The following ROBO2 variants were observed in gnomAD, a reference collection of about 807,000 sequenced individuals.
ROBO2 encodes the protein roundabout guidance receptor 2, also known as roundabout homolog 2.
In ROBO2, 53 loss-of-function variants were observed where a neutral mutation model predicts 160.8. The observed-to-expected ratio is 0.33, with a 90% CI of 0.26 to 0.41. The LOEUF (loss-of-function observed/expected upper bound fraction) is 0.41, where lower values mean the gene tolerates loss of function less well. ROBO2 is among the 10% of genes least tolerant of loss of function. The pLI, the probability that ROBO2 is intolerant of heterozygous loss-of-function variation, is 1.00. For synonymous variants in ROBO2, 664 were observed against 611.7 expected (o/e 1.09, Z -1.26); for missense variants, 1,577 against 1,722.4 (o/e 0.92, Z 1.49).
intron 2 of ROBO2, among the ~76,000 whole-genome samples, chr3:76,069,043 A>G (rs920983857): frequency 7.2e-6 from 1 of 139,720 alleles, no homozygotes; most frequent in Non-Finnish European, 1.6e-5. Context: ...ATTTAAATGC[A>G]TTTTCTTTTT....
chr3:77,162,916 G>A (rs574948204), intron 2 of ROBO2, among the ~76,000 whole-genome samples: 7 of 152,040 alleles, frequency 4.6e-5, no homozygotes, highest in Non-Finnish European at 1.0e-4. Context: ...TGCAACCTTG[G>A]CCTCCTGGGT....
intron 2 of ROBO2, among the ~76,000 whole-genome samples, chr3:76,682,738 A>G (rs2092596258): frequency 6.6e-6 from 1 of 152,164 alleles, no homozygotes; most frequent in Non-Finnish European, 1.5e-5. Flanking sequence ...AAAGAATGAC[A>G]TATGTAAGCT....
At chr3:77,059,009 A>G (rs1333325858) in intron 1 of ROBO2, among the ~76,000 whole-genome samples, 1 of 152,210 alleles carries the variant, frequency 6.6e-6, no homozygotes, top group African/African-American at 2.4e-5. Flanking sequence ...CTTTGGTGAG[A>G]AAGACAAATA....
At chr3:77,052,490 G>A (rs184635494) in intron 1 of ROBO2, among the ~76,000 whole-genome samples, 1 of 152,228 alleles carries the variant, frequency 6.6e-6, no homozygotes, top group East Asian at 1.9e-4. Flanking sequence ...TTTTGAAGGG[G>A]GGAAAAGGCA....
intron 2 of ROBO2, among the ~76,000 whole-genome samples, chr3:77,398,329 G>A (rs2075468795): frequency 6.6e-6 from 1 of 152,052 alleles, no homozygotes; most frequent in Non-Finnish European, 1.5e-5. Flanking sequence ...GTTGTGGGAA[G>A]CCAAGATGCC....
chr3:76,815,237 G>A (rs1229755829), intron 2 of ROBO2, among the ~76,000 whole-genome samples: 1 of 151,814 alleles, frequency 6.6e-6, no homozygotes, highest in Non-Finnish European at 1.5e-5. Context: ...AGTCAACAAA[G>A]AATAACACAA....
At chr3:76,116,235 A>G (rs1458267490) in intron 2 of ROBO2, among the ~76,000 whole-genome samples, 1 of 152,076 alleles carries the variant, frequency 6.6e-6, no homozygotes, top group African/African-American at 2.4e-5. Context: ...TAGATCTTCT[A>G]TTACATGTAT....
At chr3:76,165,406 C>T (rs2072797482) in intron 2 of ROBO2, among the ~76,000 whole-genome samples, 1 of 152,152 alleles carries the variant, frequency 6.6e-6, no homozygotes, top group South Asian at 2.1e-4. Flanking sequence ...AAGAGAGGGC[C>T]TTGCTCTGGA....
intron 2 of ROBO2, among the ~76,000 whole-genome samples, chr3:76,319,234 T>G (rs1004444968): frequency 6.6e-6 from 1 of 152,014 alleles, no homozygotes; most frequent in Admixed American, 6.6e-5. Context: ...AAAAATAAAA[T>G]CAAAGTTCCA....
At chr3:76,031,959 C>A (rs2066936417) in intron 2 of ROBO2, among the ~76,000 whole-genome samples, 1 of 152,036 alleles carries the variant, frequency 6.6e-6, no homozygotes, top group Non-Finnish European at 1.5e-5. Context: ...CCTCTTTGTA[C>A]CTCTGGTAGA....
chr3:76,931,617 C>T (rs1420054996), intron 2 of ROBO2, among the ~76,000 whole-genome samples: 39 of 151,494 alleles, frequency 2.6e-4, no homozygotes, highest in East Asian at 2.0e-4. Flanking sequence ...TCTTTTATCA[C>T]GGTCATCAGC....
chr3:76,809,388 T>C (rs1429613358), intron 2 of ROBO2, among the ~76,000 whole-genome samples: 1 of 152,144 alleles, frequency 6.6e-6, no homozygotes, highest in Non-Finnish European at 1.5e-5. Context: ...GTGCTCCCCA[T>C]AGTCTTCTCA....
At chr3:76,753,160 A>G (rs2060775975) in intron 2 of ROBO2, among the ~76,000 whole-genome samples, 1 of 151,928 alleles carries the variant, frequency 6.6e-6, no homozygotes, top group African/African-American at 2.4e-5. Flanking sequence ...GTGTAAAGCC[A>G]TTTGGGAAGA....
intron 2 of ROBO2, among the ~76,000 whole-genome samples, chr3:75,960,747 T>G (rs1311483967): frequency 1.3e-5 from 2 of 151,770 alleles, no homozygotes; most frequent in Non-Finnish European, 2.9e-5. Context: ...AATTTACTAG[T>G]GGTGCAATCT....
chr3:77,252,831 A>AAAAT, intron 2 of ROBO2, among the ~76,000 whole-genome samples: 8 of 12,518 alleles, frequency 6.4e-4, no homozygotes, highest in Non-Finnish European at 1.5e-3. Context: ...AAAAAAAAAA[A>AAAAT]ATATATATAT....
intron 2 of ROBO2, among the ~76,000 whole-genome samples, chr3:76,268,928 T>C (rs751166181): frequency 6.6e-6 from 1 of 152,138 alleles, no homozygotes; most frequent in Non-Finnish European, 1.5e-5. Context: ...CACACACTAT[T>C]TTGTTAACCT....
intron 2 of ROBO2, among the ~76,000 whole-genome samples, chr3:77,434,683 A>G (rs2079109695): frequency 6.6e-6 from 1 of 152,120 alleles, no homozygotes. Flanking sequence ...CCCCATTACC[A>G]TGCATAATGA....
intron 2 of ROBO2, among the ~76,000 whole-genome samples, chr3:76,948,110 T>C (rs1333546012): frequency 6.6e-6 from 1 of 152,198 alleles, no homozygotes; most frequent in Non-Finnish European, 1.5e-5. Context: ...CATCCTGGAA[T>C]GATAATTTAG....
At chr3:76,249,861 A>AT (rs1269374849) in intron 2 of ROBO2, among the ~76,000 whole-genome samples, 4 of 152,116 alleles carry the variant, frequency 2.6e-5, no homozygotes, top group Non-Finnish European at 4.4e-5. Flanking sequence ...GCTTCAAGAT[A>AT]TTATTATAGA....
Sources: gnomAD v4.1 joint callset for allele counts (sites outside exome capture counted in the v4.1 genomes callset) on GRCh38, gnomAD v4.1.1 for gene constraint, MANE v1.5 for transcripts, NCBI Gene and HGNC (gene_info 2026-07-23, HGNC 2026-07-21) for gene names.